The following SLC7A14 variants were observed in gnomAD, a reference collection of about 807,000 sequenced individuals.
The protein encoded by SLC7A14 is gamma-aminobutyric acid transporter SLC7A14.
A neutral mutation model predicts 60.2 loss-of-function variants in SLC7A14; 37 were observed. That is an observed-to-expected ratio of 0.61 (90% CI 0.47 to 0.81). The LOEUF (loss-of-function observed/expected upper bound fraction) is 0.81, where lower values mean the gene tolerates loss of function less well. Among genes scored for constraint, SLC7A14 ranks in the 30% least tolerant of loss-of-function variants. SLC7A14 has a pLI of 0.00. For missense variants in SLC7A14, 886 were observed against 982.7 expected, an observed-to-expected ratio of 0.90 and a Z score of 1.32; for synonymous variants, 399 against 395.8, an observed-to-expected ratio of 1.01 and a Z score of -0.10.
intron 7 of SLC7A14, chr3:170,476,818 C>T (rs1371383150): frequency 1.3e-5 from 2 of 152,150 alleles, no homozygotes; most frequent in Admixed American, 1.3e-4. Flanking sequence ...CCCAAAGTCA[C>T]AAGACAAAGG....
chr3:170,549,181 A>T (rs1714264034), intron 1 of SLC7A14, among the ~76,000 whole-genome samples: 1 of 151,310 alleles, frequency 6.6e-6, no homozygotes, highest in South Asian at 2.1e-4. Context: ...AATATAATAC[A>T]GGCTGAATCC....
At chr3:170,541,095 C>G (rs1462138278) in intron 1 of SLC7A14, among the ~76,000 whole-genome samples, 7 of 152,102 alleles carry the variant, frequency 4.6e-5, no homozygotes, top group Non-Finnish European at 7.4e-5. Flanking sequence ...GGAATATAAA[C>G]TGATATAAAT....
At chr3:170,537,750 G>A (rs2108298582) in intron 1 of SLC7A14, among the ~76,000 whole-genome samples, 1 of 152,344 alleles carries the variant, frequency 6.6e-6, no homozygotes, top group Admixed American at 6.5e-5. Flanking sequence ...GAGCGCTGAA[G>A]TGGTTTATTT....
At chr3:170,557,791 G>T (rs2422040) in intron 1 of SLC7A14, among the ~76,000 whole-genome samples, 50,301 of 151,984 alleles carry the variant, frequency 0.33, 8,512 homozygotes, top group East Asian at 0.39. Context: ...AAAATGCAGG[G>T]TATATAGTAA....
In SLC7A14 at chr3:170,462,845, C is replaced by T. The variant is rs947569351; in HGVS notation, c.*4210G>A. On this transcript the variant is annotated 3_prime_UTR_variant, in exon 8 of 8. Transcript: ENST00000231706. ...AGTTGTTGAAACCTATTGTTGAAAA[C>T]TTTAAAGTGGCTGTTAAATTGTGTT... 2.6e-5 allele frequency: 4 copies of T among 152,084 alleles called. No homozygotes were observed. Among genetic ancestry groups the T allele is most frequent in the African/African-American group, 4.8e-5 (2 of 41,418 alleles). The allele number at this position is 152,084 out of a possible 1,614,324, so 9.4% of individuals were successfully genotyped here. A position where few individuals can be genotyped will look rare whatever the true frequency, so the allele number is the denominator to read the frequency against.
At chr3:170,525,764 G>GA (rs941724723) in intron 2 of SLC7A14, among the ~76,000 whole-genome samples, 1 of 152,170 alleles carries the variant, frequency 6.6e-6, no homozygotes, top group Admixed American at 6.5e-5. Context: ...TCTCTGTATT[G>GA]AAAAAATAGG....
At chr3:170,510,428 T>C (rs932223945) in intron 2 of SLC7A14, among the ~76,000 whole-genome samples, 2 of 151,096 alleles carry the variant, frequency 1.3e-5, no homozygotes, top group African/African-American at 2.4e-5. Flanking sequence ...AAATAAAGAA[T>C]GTAACCAACC....
At chr3:170,577,164 G>A (rs958771073) in intron 1 of SLC7A14, among the ~76,000 whole-genome samples, 1 of 152,182 alleles carries the variant, frequency 6.6e-6, no homozygotes, top group African/African-American at 2.4e-5. Flanking sequence ...TGTAATGTGA[G>A]GGGCAAGATC....
At chr3:170,584,062 G>A (rs1449576339) in intron 1 of SLC7A14, among the ~76,000 whole-genome samples, 1 of 152,176 alleles carries the variant, frequency 6.6e-6, no homozygotes, top group Non-Finnish European at 1.5e-5. Context: ...TCAAGTTTCT[G>A]TTTCCTTCTC....
rs895844794 is a variant in SLC7A14 at position 170,464,399 on chromosome 3, C to T, written c.*2656G>A. On this transcript the variant is annotated 3_prime_UTR_variant, in exon 8 of 8. Transcript: ENST00000231706. ...TTTTAATGTGATCCCACACATACATCGTTTAGAAACCTGTTAAGAAAATAG... is the reference window on the plus strand; with the variant it reads ...TTTTAATGTGATCCCACACATACATTGTTTAGAAACCTGTTAAGAAAATAG... The T allele has an allele frequency of 1.3e-5, 2 of 152,176 alleles. No individual in the cohort carries two copies. The highest frequency in any genetic ancestry group is 2.4e-5 in the African/African-American group (1 of 41,454). The allele number at this position is 152,176 out of a possible 1,614,324, so 9.4% of individuals were successfully genotyped here.
At chr3:170,473,619 AG>A (rs1353262450) in intron 7 of SLC7A14, among the ~76,000 whole-genome samples, 10 of 152,226 alleles carry the variant, frequency 6.6e-5, no homozygotes, top group Non-Finnish European at 1.3e-4. Flanking sequence ...CGAAGCAGAA[AG>A]GGAGACTGGG....
At chr3:170,563,498 A>G (rs1364768406) in intron 1 of SLC7A14, among the ~76,000 whole-genome samples, 1 of 148,554 alleles carries the variant, frequency 6.7e-6, no homozygotes, top group Non-Finnish European at 1.5e-5. Context: ...GCTCACTGCA[A>G]CCTCTGCCTC....
intron 2 of SLC7A14, among the ~76,000 whole-genome samples, chr3:170,515,463 C>T (rs1713127438): frequency 6.6e-6 from 1 of 152,036 alleles, no homozygotes; most frequent in Non-Finnish European, 1.5e-5. Flanking sequence ...TCTTGGCACA[C>T]CTCTAACTTT....
At chr3:170,467,546 G>C in intron 7 of SLC7A14, 169 bp from the exon 8 acceptor site, 1 of 562,138 alleles carries the variant, frequency 1.8e-6, no homozygotes, top group Non-Finnish European at 2.9e-6. Flanking sequence ...ACTTGAATTA[G>C]ATGCCTTTTA....
In SLC7A14 at chr3:170,460,210, C is replaced by T. The variant is rs555021447; in HGVS notation, c.*6845G>A. ...AAATGCAAGTTGTACTTCTCAAGGACGAAACGAAAAAGAAACAAGTTAGTA... is the reference window on the plus strand; with the variant it reads ...AAATGCAAGTTGTACTTCTCAAGGATGAAACGAAAAAGAAACAAGTTAGTA... On this transcript the variant is annotated 3_prime_UTR_variant, in exon 8 of 8. Transcript: ENST00000231706. The T allele has an allele frequency of 1.2e-4, 18 of 152,160 alleles. No individual in the cohort carries two copies. Among genetic ancestry groups the T allele is most frequent in the African/African-American group, 3.9e-4 (16 of 41,522 alleles). The allele number at this position is 152,160 out of a possible 1,614,324, so 9.4% of individuals were successfully genotyped here.
chr3:170,483,659 T>A, intron 5 of SLC7A14, 137 bp from the exon 6 acceptor site: 4 of 871,210 alleles, frequency 4.6e-6, no homozygotes, highest in Non-Finnish European at 7.2e-6. Flanking sequence ...CTTGCTGGCA[T>A]GTGCCTTTAC....
At chr3:170,513,861 G>A (rs997472466) in intron 2 of SLC7A14, among the ~76,000 whole-genome samples, 2 of 152,152 alleles carry the variant, frequency 1.3e-5, no homozygotes, top group African/African-American at 4.8e-5. Context: ...CAACAGAATG[G>A]CCTTTTATCA....
At chr3:170,494,754 G>T (rs1304817573) in intron 4 of SLC7A14, among the ~76,000 whole-genome samples, 3 of 152,200 alleles carry the variant, frequency 2.0e-5, no homozygotes, top group Non-Finnish European at 4.4e-5. Context: ...TGCAGCCTGG[G>T]TCAGTTGAAC....
At chr3:170,577,994 C>T (rs1715142865) in intron 1 of SLC7A14, among the ~76,000 whole-genome samples, 1 of 152,210 alleles carries the variant, frequency 6.6e-6, no homozygotes, top group South Asian at 2.1e-4. Flanking sequence ...CAGGAAATGA[C>T]ACTCTGGGAG....
Sources: allele counts gnomAD v4.1 joint callset (sites outside exome capture counted in the v4.1 genomes callset), GRCh38; gene constraint gnomAD v4.1.1; transcripts MANE v1.5; gene names NCBI Gene and HGNC (gene_info 2026-07-23, HGNC 2026-07-21).